Variants in TRIM75 observed in about 807,000 individuals in gnomAD.
TRIM75 encodes the protein tripartite motif containing 75.
the TRIM75 span, chr4:165,060,236 T>A: frequency 1.3e-6 from 1 of 780,932 alleles, no homozygotes; most frequent in African/African-American, 1.7e-5. Flanking sequence ...AATGGGCTAT[T>A]GGCATTTGCA....
chr4:165,056,407 T>A, the TRIM75 span, among the ~76,000 whole-genome samples: 1 of 152,020 alleles, frequency 6.6e-6, no homozygotes, highest in Non-Finnish European at 1.5e-5. Flanking sequence ...TCTTCAGGAC[T>A]GTCCCTTCAC....
At chr4:165,054,029 G>T in the TRIM75 span, among the ~76,000 whole-genome samples, 3 of 152,128 alleles carry the variant, frequency 2.0e-5, no homozygotes, top group Non-Finnish European at 4.4e-5. Context: ...CCTGCTCTGT[G>T]CCTAGAGGGA....
the TRIM75 span, among the ~76,000 whole-genome samples, chr4:165,054,654 C>T: frequency 6.6e-6 from 1 of 152,188 alleles, no homozygotes; most frequent in Non-Finnish European, 1.5e-5. Context: ...CCTGCCTCGG[C>T]CTCCCAAAGT....
chr4:165,055,400 T>C, the TRIM75 span, among the ~76,000 whole-genome samples: 1 of 151,226 alleles, frequency 6.6e-6, no homozygotes, highest in African/African-American at 2.4e-5. Context: ...TTCCCCTGCC[T>C]CAGCCTCCCG....
chr4:165,056,090 T>C, the TRIM75 span, among the ~76,000 whole-genome samples: 1 of 151,760 alleles, frequency 6.6e-6, no homozygotes, highest in Non-Finnish European at 1.5e-5. Flanking sequence ...CAACACCCAG[T>C]TAATTTTTGT....
chr4:165,059,758 G>C, the TRIM75 span: 3 of 780,872 alleles, frequency 3.8e-6, no homozygotes, highest in Admixed American at 5.1e-5. Flanking sequence ...GTTCTCTCCA[G>C]ATTAGCTGAA....
the TRIM75 span, among the ~76,000 whole-genome samples, chr4:165,056,637 CAG>C: frequency 6.2e-5 from 6 of 96,192 alleles, no homozygotes; most frequent in Admixed American, 6.6e-4. Context: ...TTTTTTGAGA[CAG>C]AGTCTCGCTC....
chr4:165,058,927 G>T, the TRIM75 span, among the ~76,000 whole-genome samples: 2 of 152,134 alleles, frequency 1.3e-5, no homozygotes, highest in African/African-American at 4.8e-5. Flanking sequence ...GGCTGTGTGT[G>T]GGACTCCTTT....
chr4:165,059,059 G>C, the TRIM75 span: 2 of 641,658 alleles, frequency 3.1e-6, no homozygotes, highest in African/African-American at 1.8e-5. Context: ...TGAGATCTAA[G>C]AGCATATCTG....
the TRIM75 span, among the ~76,000 whole-genome samples, chr4:165,055,900 C>T: frequency 6.7e-6 from 1 of 148,872 alleles, no homozygotes; most frequent in East Asian, 2.0e-4. Context: ...CTGGGCAACA[C>T]ATGAGACGCT....
the TRIM75 span, chr4:165,060,153 C>T: frequency 7.7e-6 from 6 of 780,780 alleles, no homozygotes; most frequent in African/African-American, 1.0e-4. Context: ...TACAGTCAAG[C>T]CAGTTGTTCT....
the TRIM75 span, among the ~76,000 whole-genome samples, chr4:165,057,492 A>G: frequency 6.6e-6 from 1 of 152,182 alleles, no homozygotes; most frequent in Non-Finnish European, 1.5e-5. Context: ...TTGTCAAATT[A>G]CAATGTCAAA....
the TRIM75 span, among the ~76,000 whole-genome samples, chr4:165,055,964 G>A: frequency 9.9e-5 from 14 of 140,900 alleles, no homozygotes; most frequent in African/African-American, 3.7e-4. Context: ...TGCTCAGGCT[G>A]GAATGAAGTG....
the TRIM75 span, among the ~76,000 whole-genome samples, chr4:165,054,115 C>T: frequency 7.9e-5 from 12 of 151,732 alleles, no homozygotes; most frequent in African/African-American, 1.7e-4. Context: ...TTTTTTGAGA[C>T]GCAATCACGC....
At chr4:165,059,038 A>G in the TRIM75 span, 1 of 620,788 alleles carries the variant, frequency 1.6e-6, no homozygotes, top group Middle Eastern at 2.6e-4. Flanking sequence ...AGCTGCCTCC[A>G]GGAAGGACAG....
the TRIM75 span, chr4:165,059,342 C>A: frequency 2.6e-6 from 2 of 780,512 alleles, no homozygotes; most frequent in Non-Finnish European, 4.8e-6. Flanking sequence ...AGGGGCACTT[C>A]AGGAGCAACA....
chr4:165,059,044 G>A, the TRIM75 span: 2 of 625,114 alleles, frequency 3.2e-6, no homozygotes, highest in Non-Finnish European at 5.8e-6. Flanking sequence ...CTCCAGGAAG[G>A]ACAGTGAGAT....
the TRIM75 span, among the ~76,000 whole-genome samples, chr4:165,054,228 A>C: frequency 6.7e-6 from 1 of 150,132 alleles, no homozygotes; most frequent in Admixed American, 6.7e-5. Flanking sequence ...AAGTAGCTGG[A>C]ATTACAGGCA....
chr4:165,058,516 A>G, the TRIM75 span, among the ~76,000 whole-genome samples: 1 of 152,198 alleles, frequency 6.6e-6, no homozygotes, highest in African/African-American at 2.4e-5. Context: ...TATAGGTAAC[A>G]AAGGCTGTAT....
Sources: allele counts gnomAD v4.1 joint callset (sites outside exome capture counted in the v4.1 genomes callset), GRCh38; gene constraint gnomAD v4.1.1; transcripts MANE v1.5; gene names NCBI Gene and HGNC (gene_info 2026-07-23, HGNC 2026-07-21).